Variants in GBE1 observed in about 807,000 individuals in gnomAD.
GBE1 encodes 1,4-alpha-glucan branching enzyme 1, also known as 1,4-alpha-glucan-branching enzyme.
GBE1 carries 70 observed loss-of-function variants against 88.8 expected under a neutral mutation model. The observed-to-expected ratio is 0.79, with a 90% CI of 0.65 to 0.96. The LOEUF is 0.96. Among genes scored for constraint, GBE1 ranks in the 40% least tolerant of loss-of-function variants. The probability of loss-of-function intolerance (pLI) is 0.00; values close to 1 mark genes in which losing one functional copy is unlikely to be tolerated. For synonymous variants in GBE1, 284 were observed against 300.1 expected, an observed-to-expected ratio of 0.95 and a Z score of 0.56; for missense variants, 872 against 871.0, an observed-to-expected ratio of 1.00 and a Z score of -0.01.
chr3:81,571,372 C>G (rs6800241), intron 12 of GBE1, among the ~76,000 whole-genome samples: 43,907 of 152,054 alleles, frequency 0.29, 6,526 homozygotes, highest in East Asian at 0.44. Flanking sequence ...GTTAACATCT[C>G]ATGTCATGGG....
rs570220981 is a variant in GBE1 at position 81,643,332 on chromosome 3, C to T, written c.783-342G>A. Among the ~76,000 whole-genome samples the T allele has an allele frequency of 5.3e-5, 8 of 152,204 alleles. No individual in the cohort carries two copies. In the South Asian group the frequency reaches 1.5e-3, roughly 28 times the overall value. On this transcript the variant is annotated intron_variant, in intron 6 of 15. Coordinates refer to ENST00000429644, the MANE Select transcript of GBE1 (RefSeq NM_000158.4). ...CATTCCTGCTCTGTTTGCCCACTGC[C>T]CATTACTTACAGGGTGTACATTTGA...
chr3:81,640,019 A>G (rs1437838304), intron 7 of GBE1, among the ~76,000 whole-genome samples: 1 of 152,210 alleles, frequency 6.6e-6, no homozygotes, highest in Non-Finnish European at 1.5e-5. Context: ...GCAATAAATA[A>G]CCAAAAGAGC....
intron 12 of GBE1, among the ~76,000 whole-genome samples, chr3:81,557,836 T>C (rs1255945211): frequency 6.7e-6 from 1 of 149,618 alleles, no homozygotes; most frequent in Non-Finnish European, 1.5e-5. Flanking sequence ...GGAGAAGGAG[T>C]CTGTGAAGCA....
chr3:81,587,203 T>C lies in GBE1; in HGVS notation c.1237-1013A>G, dbSNP rs930911147. Among the ~76,000 whole-genome samples the C allele has an allele frequency of 5.3e-5, 8 of 152,098 alleles. 1 individual carries two copies. The highest frequency in any genetic ancestry group is 4.4e-5 in the Non-Finnish European group (3 of 68,014). ...AATAAGTATCCAATAATTAATCAAATAAATAAAAGTAATTTAAAAATGGGT... is the reference window on the plus strand; with the variant it reads ...AATAAGTATCCAATAATTAATCAAACAAATAAAAGTAATTTAAAAATGGGT... On this transcript the variant is annotated intron_variant, in intron 9 of 15. Transcript: ENST00000429644.
chr3:81,681,349 A>G (rs1705338537), intron 2 of GBE1, among the ~76,000 whole-genome samples: 1 of 152,138 alleles, frequency 6.6e-6, no homozygotes, highest in South Asian at 2.1e-4. Flanking sequence ...TACATGCCAT[A>G]TCACTATCAA....
intron 1 of GBE1, among the ~76,000 whole-genome samples, chr3:81,720,292 G>C (rs990988697): frequency 4.0e-5 from 6 of 150,720 alleles, no homozygotes; most frequent in African/African-American, 1.5e-4. Flanking sequence ...ATATCACATT[G>C]TATAACATAT....
At chr3:81,656,677 T>G (rs942341733) in intron 3 of GBE1, among the ~76,000 whole-genome samples, 2 of 152,198 alleles carry the variant, frequency 1.3e-5, no homozygotes, top group African/African-American at 4.8e-5. Context: ...ATAAGTTATC[T>G]TCATGAGTAG....
At chr3:81,642,351 T>C (rs1461597859) in intron 7 of GBE1, among the ~76,000 whole-genome samples, 3 of 152,140 alleles carry the variant, frequency 2.0e-5, no homozygotes, top group Non-Finnish European at 4.4e-5. Context: ...TTTATAGTTA[T>C]AAATTAATTT....
At chr3:81,685,315 TTTGTTG>T (rs373839984) in intron 2 of GBE1, among the ~76,000 whole-genome samples, 3 of 151,968 alleles carry the variant, frequency 2.0e-5, no homozygotes, top group Non-Finnish European at 2.9e-5. Flanking sequence ...AGACAAGTTT[TTTGTTG>T]TTGTTGTTGT....
intron 1 of GBE1, among the ~76,000 whole-genome samples, chr3:81,748,569 C>A (rs1167897919): frequency 6.6e-6 from 1 of 152,122 alleles, no homozygotes; most frequent in Non-Finnish European, 1.5e-5. Context: ...CGAGACCGCG[C>A]CACTGCACTC....
chr3:81,574,510 A>G (rs1027002721), intron 12 of GBE1, among the ~76,000 whole-genome samples: 3 of 151,438 alleles, frequency 2.0e-5, no homozygotes, highest in Admixed American at 1.3e-4. Context: ...CCAACCCAAC[A>G]GTATTCTTAA....
rs144282805 is a variant in GBE1, at chr3:81,675,222, T to C, written c.314-4269A>G. On this transcript the variant is annotated intron_variant, in intron 2 of 15. Transcript: ENST00000429644. ...TTGTGAGTAATTTTCTAGATGAAGT[T>C]AAACTAAAAGGCTATCAAATAATAT... 8.9e-4 allele frequency among the ~76,000 whole-genome samples: 135 copies of C among 152,150 alleles called. 1 individual carries two copies. In the East Asian group the frequency reaches 0.025, roughly 28 times the overall value.
intron 12 of GBE1, among the ~76,000 whole-genome samples, chr3:81,568,929 G>A (rs1347007510): frequency 6.6e-6 from 1 of 151,952 alleles, no homozygotes; most frequent in African/African-American, 2.4e-5. Context: ...CAGATTGTGA[G>A]CTATCTAGGA....
intron 7 of GBE1, among the ~76,000 whole-genome samples, chr3:81,629,707 T>A (rs1000727468): frequency 1.3e-5 from 2 of 152,028 alleles, no homozygotes; most frequent in African/African-American, 2.4e-5. Context: ...ATTGTATTTT[T>A]TATATATTTT....
At chr3:81,676,597 C>A (rs1362070493) in intron 2 of GBE1, among the ~76,000 whole-genome samples, 1 of 151,876 alleles carries the variant, frequency 6.6e-6, no homozygotes, top group Non-Finnish European at 1.5e-5. Flanking sequence ...TCTTACAGAG[C>A]TAATTTACAA....
intron 14 of GBE1, among the ~76,000 whole-genome samples, chr3:81,523,229 A>G (rs1375271710): frequency 6.6e-6 from 1 of 150,788 alleles, no homozygotes; most frequent in Non-Finnish European, 1.5e-5. Flanking sequence ...AAGTTAATAT[A>G]TTAATATATT....
At chr3:81,523,773 A>C (rs1481578004) in intron 14 of GBE1, among the ~76,000 whole-genome samples, 1 of 151,736 alleles carries the variant, frequency 6.6e-6, no homozygotes, top group African/African-American at 2.4e-5. Flanking sequence ...TTCCTGGCTT[A>C]TTTCACTGAA....
intron 7 of GBE1, among the ~76,000 whole-genome samples, chr3:81,627,621 T>C (rs1182737619): frequency 1.3e-5 from 2 of 152,074 alleles, no homozygotes; most frequent in Non-Finnish European, 2.9e-5. Context: ...GTGTGTTGTT[T>C]ATGTGATACA....
At chr3:81,575,260 A>C (rs932021007) in intron 12 of GBE1, among the ~76,000 whole-genome samples, 11 of 152,258 alleles carry the variant, frequency 7.2e-5, no homozygotes, top group Admixed American at 1.3e-4. Context: ...ATTATTTCAT[A>C]TATGATAGAA....
Sources: gnomAD v4.1 joint callset for allele counts (sites outside exome capture counted in the v4.1 genomes callset) on GRCh38, gnomAD v4.1.1 for gene constraint, MANE v1.5 for transcripts, NCBI Gene and HGNC (gene_info 2026-07-23, HGNC 2026-07-21) for gene names.